CCDC86: variants seen among roughly 807,000 people sequenced by gnomAD.
The protein encoded by CCDC86 is coiled-coil domain-containing protein 86.
CCDC86 carries 28 observed loss-of-function variants against 36.7 expected under a neutral mutation model. The observed-to-expected ratio is 0.76, with a 90% CI of 0.57 to 1.05. The LOEUF is 1.05. CCDC86 is among the 50% of genes least tolerant of loss of function. The pLI, the probability that CCDC86 is intolerant of heterozygous loss-of-function variation, is 0.00. For synonymous variants in CCDC86, 199 were observed against 203.4 expected, an observed-to-expected ratio of 0.98 and a Z score of 0.18; for missense variants, 453 against 470.2, an observed-to-expected ratio of 0.96 and a Z score of 0.34.
In CCDC86 at chr11:60,847,931, C is replaced by T. The variant is rs1855207486; in HGVS notation, c.766C>T (p.Gln256Ter). The T allele has an allele frequency of 3.1e-6, 5 of 1,611,384 alleles. No individual in the cohort carries two copies. Among genetic ancestry groups the T allele is most frequent in the Non-Finnish European group, 4.2e-6 (5 of 1,178,448 alleles). The change falls in exon 2 of 4, where the codon CAG becomes TAG. Residue 256 changes from glutamine to a stop codon, truncating the protein, a stop_gained. Transcript: ENST00000227520. LOFTEE classifies it high-confidence loss of function. The part of the protein sequence containing the change: ...WKDRSKKRFS[Q>*]MLQDKPLRTS... ...CCACTCTCCCCCTTTCAGATTCTCC[C>T]AGATGCTTCAGGACAAGCCCCTGCG... is the stretch of plus-strand genomic sequence containing the variant.
At chr11:60,846,137 C>G (rs11230504) in intron 1 of CCDC86, among the ~76,000 whole-genome samples, 3,546 of 152,284 alleles carry the variant, frequency 0.023, 59 homozygotes, top group Non-Finnish European at 0.038. Context: ...AGATGCAGCA[C>G]TGTGTCTTGT....
In CCDC86 at chr11:60,842,688, C is replaced by T; in HGVS notation, c.564C>T (p.Ser188=). Residue 188 remains serine (S), a synonymous_variant, in exon 1 of 4, where the codon TCC becomes TCT. Coordinates refer to ENST00000227520, the MANE Select transcript of CCDC86 (RefSeq NM_024098.4). ...AGCTGACACCCAGGGCACCTGGCTC[C>T]CCCCGGGGTCAGCATGAGCCGAGCA... The part of the protein sequence containing the change: ...LLELTPRAPG[S]PRGQHEPSKP... The T allele has an allele frequency of 6.2e-7, 1 of 1,613,860 alleles. No individual in the cohort carries two copies. Among genetic ancestry groups the T allele is most frequent in the Non-Finnish European group, 8.5e-7 (1 of 1,179,936 alleles).
chr11:60,842,558 T>C lies in CCDC86; in HGVS notation c.434T>C (p.Leu145Pro), dbSNP rs1303351195. Residue 145 changes from leucine (L) to proline (P), a missense_variant, in exon 1 of 4, where the codon CTG (leucine) becomes CCG (proline). Coordinates refer to ENST00000227520, the MANE Select transcript of CCDC86 (RefSeq NM_024098.4). Reference protein sequence around the residue: ...ASELAQNKEELTPGAPQHQLP... With the variant: ...ASELAQNKEEPTPGAPQHQLP... ...GAGTTGGCCCAGAATAAGGAGGAGC[T>C]GACCCCGGGGGCCCCCCAGCATCAG... is the stretch of plus-strand genomic sequence containing the variant. 6.2e-7 allele frequency: 1 copy of C among 1,613,134 alleles called. No individual in the cohort carries two copies. The highest frequency in any genetic ancestry group is 1.3e-5 in the African/African-American group (1 of 75,002).
At chr11:60,847,066 ATTCTTT>A (rs904036545) in intron 1 of CCDC86, among the ~76,000 whole-genome samples, 5 of 150,844 alleles carry the variant, frequency 3.3e-5, no homozygotes, top group African/African-American at 1.2e-4. Context: ...GGGGGAAGAG[ATTCTTT>A]TTCTTTTTTC....
intron 2 of CCDC86, 127 bp downstream of exon 2, chr11:60,848,180 T>C (rs1329770900): frequency 9.0e-6 from 11 of 1,227,748 alleles, no homozygotes; most frequent in African/African-American, 1.5e-5. Context: ...CGTTCTTGAA[T>C]CTGAAGGCCG....
Position 60,845,595 on chromosome 11 carries a change from G to A in CCDC86, c.759-2329G>A, listed in dbSNP as rs374189333. Reference sequence around the variant, plus strand: ...TCCTGCTGCAGGGAGGAAGACAGCCGCAGCTGGGAAAGTGTATGTGGTGAG... The same window carrying A: ...TCCTGCTGCAGGGAGGAAGACAGCCACAGCTGGGAAAGTGTATGTGGTGAG... On this transcript the variant is annotated intron_variant, in intron 1 of 3. Coordinates refer to ENST00000227520, the MANE Select transcript of CCDC86 (RefSeq NM_024098.4). Among the ~76,000 whole-genome samples, 145 of 152,364 alleles carry A rather than the reference G, an allele frequency of 9.5e-4. 4 individuals carry two copies. The South Asian group carries it at 0.024, about 25-fold the overall frequency.
rs750422666 is a variant in CCDC86, at chr11:60,842,797, A to G, written c.673A>G (p.Lys225Glu). The change falls in exon 1 of 4, where the codon AAG becomes GAG. Residue 225 changes from lysine (K) to glutamate (E), a missense_variant. Physicochemically the swap from Lys to Glu is moderately conservative, Grantham distance 56 (BLOSUM62 1). Transcript: ENST00000227520. ...KGSSSQAPASKKLNKEELPVI... is the reference protein window; with the variant it reads ...KGSSSQAPASEKLNKEELPVI... Reference sequence around the variant, plus strand: ...TTCTTCATCCCAGGCCCCAGCGTCCAAGAAGTTGAATAAAGAGGAGCTTCC... The same window carrying G: ...TTCTTCATCCCAGGCCCCAGCGTCCGAGAAGTTGAATAAAGAGGAGCTTCC... 5 of 1,611,714 alleles carry G rather than the reference A, an allele frequency of 3.1e-6. No individual in the cohort carries two copies. The Admixed American group carries it at 8.4e-5, about 27-fold the overall frequency.
intron 1 of CCDC86, among the ~76,000 whole-genome samples, chr11:60,844,383 T>C (rs1424347245): frequency 6.6e-6 from 1 of 152,198 alleles, no homozygotes; most frequent in Non-Finnish European, 1.5e-5. Flanking sequence ...GACTCCTTAA[T>C]GAGGCCGGCA....
At chr11:60,847,738 A>G (rs990753067) in intron 1 of CCDC86, 186 bp from the exon 2 acceptor site, 8 of 613,572 alleles carry the variant, frequency 1.3e-5, no homozygotes, top group Middle Eastern at 4.0e-4. Flanking sequence ...AATGGCAGCC[A>G]GCACGATCAG....
In CCDC86 at chr11:60,843,007, G is replaced by A. The variant is rs1245930909; in HGVS notation, c.758+125G>A. 5 of 1,261,006 alleles carry A rather than the reference G, an allele frequency of 4.0e-6. No homozygotes were observed. The East Asian group carries it at 7.7e-5, about 19-fold the overall frequency. 78.1% of individuals were successfully genotyped at this position (1,261,006 alleles called of 1,614,324 possible). ...AGAGCTCACGTTAGTGGGGATGTTA[G>A]CAAACAGGTAATTACAATCAGAATG... On this transcript the variant is annotated intron_variant, in intron 1 of 3. Transcript: ENST00000227520.
At chr11:60,843,658 G>C (rs1428261698) in intron 1 of CCDC86, among the ~76,000 whole-genome samples, 1 of 152,222 alleles carries the variant, frequency 6.6e-6, no homozygotes, top group Non-Finnish European at 1.5e-5. Flanking sequence ...TTTAATGAAG[G>C]AACGAAGTAG....
intron 1 of CCDC86, among the ~76,000 whole-genome samples, chr11:60,843,235 A>G (rs926135750): frequency 2.6e-5 from 4 of 152,248 alleles, no homozygotes; most frequent in Admixed American, 2.0e-4. Flanking sequence ...TGATCAAAGC[A>G]GTGAGGTCTT....
intron 2 of CCDC86, among the ~76,000 whole-genome samples, chr11:60,848,312 G>T (rs1444304642): frequency 6.6e-6 from 1 of 152,216 alleles, no homozygotes. Flanking sequence ...AGGGACGGAG[G>T]GGGAGGACCA....
intron 2 of CCDC86, among the ~76,000 whole-genome samples, chr11:60,848,500 G>T (rs376519340): frequency 1.3e-5 from 2 of 152,130 alleles, no homozygotes; most frequent in African/African-American, 2.4e-5. Flanking sequence ...CACCAGCAAC[G>T]TGGATGGCCC....
In CCDC86 at chr11:60,848,835, T is replaced by G. The variant is rs1160674813; in HGVS notation, c.888+782T>G. Reference sequence around the variant, plus strand: ...GGGGTGGGCCAGTCACTCAGTCATCTGTCCCCTGCTCTAAGTCACCCCAGC... The same window carrying G: ...GGGGTGGGCCAGTCACTCAGTCATCGGTCCCCTGCTCTAAGTCACCCCAGC... On this transcript the variant is annotated intron_variant, in intron 2 of 3. Coordinates refer to ENST00000227520, the MANE Select transcript of CCDC86 (RefSeq NM_024098.4). Among the ~76,000 whole-genome samples the G allele has an allele frequency of 2.0e-5, 3 of 152,170 alleles. No homozygotes were observed. In the East Asian group the frequency reaches 5.8e-4, roughly 29 times the overall value.
In CCDC86 at chr11:60,843,092, C is replaced by G. The variant is rs556154888; in HGVS notation, c.758+210C>G. 95 of 610,478 alleles carry G rather than the reference C, an allele frequency of 1.6e-4. No homozygotes were observed. The South Asian group carries it at 2.5e-3, about 16-fold the overall frequency. 37.8% of individuals were successfully genotyped at this position (610,478 alleles called of 1,614,324 possible). ...GCCAGGCCCTCAAAGATCAATTTCTCTGATGCCTTTCCTCCTCAGGGTCCC... is the reference window on the plus strand; with the variant it reads ...GCCAGGCCCTCAAAGATCAATTTCTGTGATGCCTTTCCTCCTCAGGGTCCC... On this transcript the variant is annotated intron_variant, in intron 1 of 3. Transcript: ENST00000227520.
intron 1 of CCDC86, chr11:60,847,662 C>T (rs181921158): frequency 3.1e-4 from 77 of 248,356 alleles, no homozygotes; most frequent in African/African-American, 1.7e-3. Flanking sequence ...CGCGCCTTGG[C>T]CTGCTCCTCT....
chr11:60,847,986 G>C lies in CCDC86; in HGVS notation c.821G>C (p.Arg274Pro), dbSNP rs370580113. Residue 274 changes from arginine (R) to proline (P), a missense_variant, in exon 2 of 4, where the codon CGA (arginine) becomes CCA (proline). Coordinates refer to ENST00000227520, the MANE Select transcript of CCDC86 (RefSeq NM_024098.4). ...TCGTGGCAGCGGAAGATGAAGGAAC[G>C]ACAGGAGAGGAAGCTGGCCAAGGAC... Reference protein sequence around the residue: ...RTSWQRKMKERQERKLAKDFA... With the variant: ...RTSWQRKMKEPQERKLAKDFA... 2.5e-6 allele frequency: 4 copies of C among 1,613,724 alleles called. No individual in the cohort carries two copies. Among genetic ancestry groups the C allele is most frequent in the Middle Eastern group, 1.7e-4 (1 of 6,054 alleles).
chr11:60,843,525 A>C (rs1590571196), intron 1 of CCDC86, among the ~76,000 whole-genome samples: 1 of 152,194 alleles, frequency 6.6e-6, no homozygotes, highest in Admixed American at 6.5e-5. Context: ...GTGTGCAAAA[A>C]ACCCCTTTAC....
Sources: allele counts gnomAD v4.1 joint callset (sites outside exome capture counted in the v4.1 genomes callset), GRCh38; gene constraint gnomAD v4.1.1; transcripts MANE v1.5; gene names NCBI Gene and HGNC (gene_info 2026-07-23, HGNC 2026-07-21).